Variants in LRCH2 observed in about 807,000 individuals in gnomAD.
LRCH2 encodes the protein leucine rich repeats and calponin homology domain containing 2.
Under a neutral mutation model 68.9 loss-of-function variants are expected in LRCH2, and 38 were observed. The observed-to-expected ratio is 0.55, with a 90% CI of 0.43 to 0.72. The LOEUF (loss-of-function observed/expected upper bound fraction) is 0.72, where lower values mean the gene tolerates loss of function less well. Among genes scored for constraint, LRCH2 ranks in the 30% least tolerant of loss-of-function variants. The probability of loss-of-function intolerance (pLI) is 0.00; values close to 1 mark genes in which losing one functional copy is unlikely to be tolerated. For synonymous variants in LRCH2, 191 were observed against 208.1 expected (o/e 0.92, Z 0.71); for missense variants, 528 against 572.9 (o/e 0.92, Z 0.80).
At chrX:115,192,377 G>A (rs782703250) in intron 1 of LRCH2, 4 of 1,159,234 alleles carry the variant, frequency 3.5e-6, no homozygotes, top group Admixed American at 2.6e-5. Flanking sequence ...CGCTACGGAG[G>A]AGGAGGCCAC....
At chrX:115,190,277 G>A (rs2072779879) in intron 1 of LRCH2, 1 of 1,152,545 alleles carries the variant, frequency 8.7e-7, no homozygotes, top group Non-Finnish European at 1.2e-6. Flanking sequence ...AGAGGCGACG[G>A]CAACCAAAAT....
intron 15 of LRCH2, among the ~76,000 whole-genome samples, chrX:115,128,859 A>G (rs2072219977): frequency 8.9e-6 from 1 of 111,804 alleles, no homozygotes; most frequent in African/African-American, 3.3e-5. Context: ...TTCATTGCTC[A>G]GTCCATACCA....
At chrX:115,225,588 A>G (rs1296141090) in intron 1 of LRCH2, among the ~76,000 whole-genome samples, 2 of 112,196 alleles carry the variant, frequency 1.8e-5, no homozygotes, top group African/African-American at 6.5e-5. Context: ...ACAAAATTCA[A>G]GATTGATACA....
chrX:115,155,039 A>C (rs1489888066), intron 12 of LRCH2, among the ~76,000 whole-genome samples: 1 of 5,670 alleles, frequency 1.8e-4, no homozygotes, highest in African/African-American at 2.6e-4. Context: ...AGACTCTGTC[A>C]AAAAAAAAAA....
chrX:115,158,723 A>G (rs1458701871), intron 11 of LRCH2, among the ~76,000 whole-genome samples: 1 of 112,186 alleles, frequency 8.9e-6, no homozygotes, highest in Non-Finnish European at 1.9e-5. Flanking sequence ...AACAGAAAAT[A>G]CTACAGCGTA....
chrX:115,211,937 T>G (rs781953641), intron 1 of LRCH2, among the ~76,000 whole-genome samples: 1 of 112,280 alleles, frequency 8.9e-6, no homozygotes, highest in Admixed American at 9.5e-5. Context: ...CTTAAAGAGA[T>G]GGGCTCTTAT....
chrX:115,190,120 G>A, intron 1 of LRCH2: 1 of 1,158,160 alleles, frequency 8.6e-7, no homozygotes, highest in Non-Finnish European at 1.2e-6. Context: ...GAAGGCCCCG[G>A]CCGTGTGGGG....
chrX:115,167,224 A>G (rs1250841612), intron 6 of LRCH2, among the ~76,000 whole-genome samples: 6 of 91,713 alleles, frequency 6.5e-5, no homozygotes, highest in African/African-American at 2.3e-4. Flanking sequence ...AAAAAACAAT[A>G]ACAACAACAA....
chrX:115,125,492 T>C (rs1327721557), intron 16 of LRCH2, among the ~76,000 whole-genome samples: 6 of 58 alleles, frequency 0.1, 1 homozygote, highest in Non-Finnish European at 0.24. Flanking sequence ...TATATATATA[T>C]ATATATATAT....
At chrX:115,191,082 TGGA>T (rs2072805885) in intron 1 of LRCH2, 1 of 1,150,569 alleles carries the variant, frequency 8.7e-7, no homozygotes, top group Non-Finnish European at 1.2e-6. Flanking sequence ...GCCACCGCTA[TGGA>T]GGAGAAGGCC....
chrX:115,231,313 ATGTG>A (rs782004003), intron 1 of LRCH2, among the ~76,000 whole-genome samples: 2 of 111,645 alleles, frequency 1.8e-5, no homozygotes, highest in East Asian at 2.8e-4. Flanking sequence ...TCCTGTATGT[ATGTG>A]TGTGTATGTA....
At chrX:115,142,085 G>T (rs1174155479) in intron 14 of LRCH2, among the ~76,000 whole-genome samples, 2 of 111,188 alleles carry the variant, frequency 1.8e-5, no homozygotes, top group Non-Finnish European at 3.8e-5. Flanking sequence ...ATTATATAAT[G>T]AAAAAGGGGT....
rs782616399 is a variant in LRCH2, at chrX:115,174,600, CCCACA to C, written c.865-4173_865-4169del. Among the ~76,000 whole-genome samples, 58 of 87,211 alleles carry C rather than the reference CCCACA, an allele frequency of 6.7e-4. 1 individual carries two copies. The highest frequency in any genetic ancestry group is 5.8e-3 in the Middle Eastern group (1 of 172). 75.7% of individuals were successfully genotyped at this position (87,211 alleles called of 115,157 possible). A position where few individuals can be genotyped will look rare whatever the true frequency, so the allele number is the denominator to read the frequency against. On this transcript the variant is annotated intron_variant, in intron 5 of 20. Transcript: ENST00000317135. The stretch of plus-strand genomic sequence containing the variant: ...CATTACACACAAACACACCCCCCCC[CCCACA>C]CACACACACACACTATATTTTCTTT...
At chrX:115,116,582 T>C (rs1386602582) in intron 20 of LRCH2, among the ~76,000 whole-genome samples, 1 of 111,477 alleles carries the variant, frequency 9.0e-6, no homozygotes, top group East Asian at 2.8e-4. Flanking sequence ...TTTAAACAGA[T>C]TGTTGTTAAC....
intron 5 of LRCH2, among the ~76,000 whole-genome samples, chrX:115,175,554 C>T (rs913446585): frequency 2.7e-5 from 3 of 112,091 alleles, no homozygotes; most frequent in African/African-American, 9.7e-5. Flanking sequence ...ACACTGCTGT[C>T]CCAGTCTGAA....
rs1022098807 is a variant in LRCH2 at position 115,112,415 on chromosome X, T to C, written c.*801A>G. On this transcript the variant is annotated 3_prime_UTR_variant, in exon 21 of 21. Transcript: ENST00000317135. ...ATAGCATAAATTAATCATATTAACA[T>C]TGGTATTTTTGACAACATGAAATAA... 1 of 111,991 alleles carries C rather than the reference T, an allele frequency of 8.9e-6. No individual in the cohort carries two copies. The highest frequency in any genetic ancestry group is 1.9e-5 in the Non-Finnish European group (1 of 52,947). 9.2% of individuals were successfully genotyped at this position (111,991 alleles called of 1,213,427 possible).
At chrX:115,211,541 T>C (rs1556570040) in intron 1 of LRCH2, among the ~76,000 whole-genome samples, 1 of 112,032 alleles carries the variant, frequency 8.9e-6, no homozygotes, top group African/African-American at 3.2e-5. Context: ...AAAGATAGAC[T>C]GAATGACATG....
intron 14 of LRCH2, among the ~76,000 whole-genome samples, chrX:115,146,898 TACATACATACACACACACACACAC>T (rs2072387399): frequency 1.6e-5 from 1 of 62,970 alleles, no homozygotes; most frequent in Admixed American, 2.2e-4. Flanking sequence ...TTGGATTTCT[TACATACATACACACACACACACAC>T]ACACACACAC....
intron 1 of LRCH2, among the ~76,000 whole-genome samples, chrX:115,218,599 C>T (rs781811614): frequency 2.7e-5 from 3 of 112,478 alleles, no homozygotes; most frequent in South Asian, 7.3e-4. Flanking sequence ...ACTGATTGCA[C>T]GCCAAGTCTT....
Sources: gnomAD v4.1 joint callset for allele counts (sites outside exome capture counted in the v4.1 genomes callset) on GRCh38, gnomAD v4.1.1 for gene constraint, MANE v1.5 for transcripts, NCBI Gene and HGNC (gene_info 2026-07-23, HGNC 2026-07-21) for gene names.